The following TGFB1 variants were observed in gnomAD, a reference collection of about 807,000 sequenced individuals.
The protein encoded by TGFB1 is transforming growth factor beta 1.
TGFB1 carries 19 observed loss-of-function variants against 43.8 expected under a neutral mutation model. That is an observed-to-expected ratio of 0.43 (90% CI 0.30 to 0.64). The LOEUF is 0.64. TGFB1 is among the 30% of genes least tolerant of loss of function. The probability of loss-of-function intolerance (pLI) is 0.11; values close to 1 mark genes in which losing one functional copy is unlikely to be tolerated. For missense variants in TGFB1, 445 were observed against 529.8 expected (o/e 0.84, Z 1.57); for synonymous variants, 221 against 236.3 (o/e 0.94, Z 0.60).
chr19:41,332,299 G>T lies in TGFB1; in HGVS notation c.861-18C>A. 1 of 1,611,066 alleles carries T rather than the reference G, an allele frequency of 6.2e-7. No homozygotes were observed. Among genetic ancestry groups the T allele is most frequent in the Non-Finnish European group, 8.5e-7 (1 of 1,178,846 alleles). On this transcript the variant is annotated intron_variant, in intron 5 of 6. Coordinates refer to ENST00000221930, the MANE Select transcript of TGFB1 (RefSeq NM_000660.7). ...CCGTGGAGCTGCAGGCAGGAGAGAC[G>T]CGTCAGGGGCAGGGAGGGGCTACCA...
intron 5 of TGFB1, among the ~76,000 whole-genome samples, chr19:41,341,331 G>A (rs1464907060): frequency 6.6e-6 from 1 of 151,848 alleles, no homozygotes; most frequent in African/African-American, 2.4e-5. Flanking sequence ...GCTGGGCGTG[G>A]TGGCACGTGC....
At chr19:41,350,755 C>T (rs959604897) in intron 1 of TGFB1, 2 of 152,484 alleles carry the variant, frequency 1.3e-5, no homozygotes, top group Admixed American at 6.5e-5. Flanking sequence ...AACCCCTCCC[C>T]TACGGCCCCC....
intron 4 of TGFB1, 42 bp from the exon 5 acceptor site, chr19:41,342,072 ACACT>A (rs1396020242): frequency 6.2e-7 from 1 of 1,613,978 alleles, no homozygotes; most frequent in Non-Finnish European, 8.5e-7. Context: ...ACATACACAC[ACACT>A]CTCAGAGGGA....
chr19:41,348,177 T>C, intron 2 of TGFB1, 118 bp downstream of exon 2: 1 of 1,161,178 alleles, frequency 8.6e-7, no homozygotes, highest in Non-Finnish European at 1.3e-6. Flanking sequence ...TGTGTTCTTC[T>C]ATCCTTCAGG....
chr19:41,333,643 G>A (rs1165496538), intron 5 of TGFB1, among the ~76,000 whole-genome samples: 1 of 152,184 alleles, frequency 6.6e-6, no homozygotes, highest in East Asian at 1.9e-4. Context: ...ACTGGCATGA[G>A]CCACCACACC....
At chr19:41,340,734 C>T (rs546990776) in intron 5 of TGFB1, among the ~76,000 whole-genome samples, 1 of 152,238 alleles carries the variant, frequency 6.6e-6, no homozygotes, top group African/African-American at 2.4e-5. Context: ...CACTGTGAGC[C>T]CAATATTCAA....
rs757563676 is a variant in TGFB1, at chr19:41,353,111, C to T, written c.-67G>A. The T allele has an allele frequency of 2.1e-5, 30 of 1,435,522 alleles. No homozygotes were observed. The highest frequency in any genetic ancestry group is 2.6e-5 in the Non-Finnish European group (29 of 1,101,374). The allele number at this position is 1,435,522 out of a possible 1,614,324, so 88.9% of individuals were successfully genotyped here. A position where few individuals can be genotyped will look rare whatever the true frequency, so the allele number is the denominator to read the frequency against. On this transcript the variant is annotated 5_prime_UTR_variant, in exon 1 of 7. Transcript: ENST00000221930. This position sits in a 1 kb window ranked among gnomAD's most constrained non-coding sequence, Gnocchi z 5.9. The stretch of plus-strand genomic sequence containing the variant: ...GGGCTGGTGTGGTGGGGAGGCCCCG[C>T]CCCTGCAGGGGCTGGGGGTCTCCCG...
At chr19:41,350,307 C>CTTTTTTT (rs55873066) in intron 1 of TGFB1, among the ~76,000 whole-genome samples, 1 of 119,730 alleles carries the variant, frequency 8.4e-6, no homozygotes, top group Non-Finnish European at 1.7e-5. Flanking sequence ...GTTTTCTTTT[C>CTTTTTTT]TTTTTTTTTT....
At chr19:41,346,901 T>A (rs949314038) in intron 2 of TGFB1, among the ~76,000 whole-genome samples, 1 of 151,980 alleles carries the variant, frequency 6.6e-6, no homozygotes, top group Non-Finnish European at 1.5e-5. Context: ...AATTTTTGTA[T>A]TTTTAGTAGA....
intron 1 of TGFB1, among the ~76,000 whole-genome samples, chr19:41,349,033 C>A (rs1437792881): frequency 6.6e-6 from 1 of 152,066 alleles, no homozygotes; most frequent in Non-Finnish European, 1.5e-5. Flanking sequence ...CATGTAGCAT[C>A]ATCTCTCAAG....
At chr19:41,337,526 C>T (rs1330961034) in intron 5 of TGFB1, among the ~76,000 whole-genome samples, 1 of 152,218 alleles carries the variant, frequency 6.6e-6, no homozygotes, top group African/African-American at 2.4e-5. Flanking sequence ...ATCCACCTGC[C>T]TCAGCCTCCC....
intron 5 of TGFB1, among the ~76,000 whole-genome samples, chr19:41,336,001 T>G (rs1038950519): frequency 1.3e-5 from 2 of 151,200 alleles, no homozygotes; most frequent in African/African-American, 4.9e-5. Context: ...AAAGTTTTTT[T>G]TTTTTTTTTT....
chr19:41,348,376 A>G lies in TGFB1; in HGVS notation c.435T>C (p.Pro145=). 1 of 1,613,552 alleles carries G rather than the reference A, an allele frequency of 6.2e-7. No individual in the cohort carries two copies. The highest frequency in any genetic ancestry group is 1.1e-5 in the South Asian group (1 of 91,080). The change falls in exon 2 of 7, where the codon CCT becomes CCC. Residue 145 remains proline (P), a synonymous_variant. Coordinates refer to ENST00000221930, the MANE Select transcript of TGFB1 (RefSeq NM_000660.7). ...CTGCCCGGGAGAGCAACACGGGTTC[A>G]GGTACCGCTTCTCGGAGCTCTGATG... The part of the protein sequence containing the change: ...FNTSELREAV[P]EPVLLSRAEL...
intron 1 of TGFB1, chr19:41,351,173 T>A (rs1400451327): frequency 6.6e-6 from 1 of 152,356 alleles, no homozygotes; most frequent in African/African-American, 2.4e-5. Context: ...AAGGAACCTC[T>A]ACAACGAAGG....
intron 5 of TGFB1, among the ~76,000 whole-genome samples, chr19:41,339,680 C>T (rs146634660): frequency 2.7e-4 from 41 of 152,104 alleles, no homozygotes; most frequent in Admixed American, 1.5e-3. Context: ...AAAAATTAGC[C>T]GGGTGTGGTG....
Position 41,340,969 on chromosome 19 carries a change from A to C in TGFB1, c.860+914T>G, listed in dbSNP as rs148343989. Among the ~76,000 whole-genome samples, 5 of 152,304 alleles carry C rather than the reference A, an allele frequency of 3.3e-5. No homozygotes were observed. The East Asian group carries it at 9.6e-4, about 29-fold the overall frequency. On this transcript the variant is annotated intron_variant, in intron 5 of 6. Transcript: ENST00000221930. ...AACAATTTAGGGATTCAAGATGGTG[A>C]CCTTCCAACTTTGAATTCCAACAAT...
rs11466316 is a variant in TGFB1 at position 41,353,431 on chromosome 19, G to A, written c.-387C>T. 2,257 of 185,752 alleles carry A rather than the reference G, an allele frequency of 0.012. 62 individuals are homozygous for A. The highest frequency in any genetic ancestry group is 0.05 in the African/African-American group (2,137 of 42,402). 11.5% of individuals were successfully genotyped at this position (185,752 alleles called of 1,614,324 possible). On this transcript the variant is annotated 5_prime_UTR_variant, in exon 1 of 7. Coordinates refer to ENST00000221930, the MANE Select transcript of TGFB1 (RefSeq NM_000660.7). The surrounding 1 kb of genome is among the most constrained non-coding windows in gnomAD (Gnocchi z 5.9). ...GGTCTGGGGAAAAGTCTTTGCGGGAGGCCGGGTCGGCGACTCCCGAGGGCT... is the reference window on the plus strand; with the variant it reads ...GGTCTGGGGAAAAGTCTTTGCGGGAAGCCGGGTCGGCGACTCCCGAGGGCT...
intron 1 of TGFB1, among the ~76,000 whole-genome samples, chr19:41,352,418 GA>G (rs1230357414): frequency 2.8e-5 from 4 of 140,842 alleles, no homozygotes; most frequent in African/African-American, 1.1e-4. Flanking sequence ...CCCTCTAGGG[GA>G]CTGCCCCCAC....
intron 2 of TGFB1, among the ~76,000 whole-genome samples, chr19:41,345,330 C>G (rs907967016): frequency 6.6e-6 from 1 of 151,326 alleles, no homozygotes; most frequent in African/African-American, 2.4e-5. Context: ...AACCCCATCT[C>G]TACTAAAAAT....
Sources: gnomAD v4.1 joint callset for allele counts (sites outside exome capture counted in the v4.1 genomes callset) on GRCh38, gnomAD v4.1.1 for gene constraint, Gnocchi (gnomAD v3.1) non-coding constraint, MANE v1.5 for transcripts, NCBI Gene and HGNC (gene_info 2026-07-23, HGNC 2026-07-21) for gene names.